The following WWP1 variants were observed in gnomAD, a reference collection of about 807,000 sequenced individuals.
The protein encoded by WWP1 is NEDD4-like E3 ubiquitin-protein ligase WWP1.
Under a neutral mutation model 130.6 loss-of-function variants are expected in WWP1, and 49 were observed. The ratio of observed to expected loss-of-function variants is 0.38; its 90% CI spans 0.30 to 0.48. The LOEUF (loss-of-function observed/expected upper bound fraction) is 0.48, where lower values mean the gene tolerates loss of function less well. Ranked by LOEUF, WWP1 falls within the 20% of genes least tolerant of loss-of-function variation. The pLI, the probability that WWP1 is intolerant of heterozygous loss-of-function variation, is 0.99. For missense variants in WWP1, 809 were observed against 1,100.6 expected (o/e 0.74, Z 3.75); for synonymous variants, 332 against 367.8 (o/e 0.90, Z 1.11).
intron 20 of WWP1, among the ~76,000 whole-genome samples, chr8:86,451,616 G>GACTATTCTTT (rs1811183948): frequency 6.6e-6 from 1 of 152,174 alleles, no homozygotes; most frequent in African/African-American, 2.4e-5. Context: ...AGAGGGTTTA[G>GACTATTCTTT]TAATTGAAGA....
intron 1 of WWP1, among the ~76,000 whole-genome samples, chr8:86,362,427 G>A (rs905182263): frequency 6.6e-6 from 1 of 151,628 alleles, no homozygotes; most frequent in Non-Finnish European, 1.5e-5. Context: ...GTAGGTGTAA[G>A]GTGGCCACTG....
In WWP1 at chr8:86,433,179, T is replaced by C. The variant is rs141447210; in HGVS notation, c.1601+1436T>C. Among the ~76,000 whole-genome samples, 825 of 152,150 alleles carry C rather than the reference T, an allele frequency of 5.4e-3. 11 individuals carry two copies. Among genetic ancestry groups the C allele is most frequent in the African/African-American group, 0.018 (760 of 41,456 alleles). Reference sequence around the variant, plus strand: ...TACTTTCTTGATTTCCCTCTGCGTTTCTGTTCTTCTATCTTTATTTTGTCG... The same window carrying C: ...TACTTTCTTGATTTCCCTCTGCGTTCCTGTTCTTCTATCTTTATTTTGTCG... On this transcript the variant is annotated intron_variant, in intron 14 of 24. Transcript: ENST00000517970.
chr8:86,440,523 GCCAGCCCC>G, intron 17 of WWP1: 1 of 334,860 alleles, frequency 3.0e-6, no homozygotes, highest in Admixed American at 4.0e-5. Flanking sequence ...GAAGTGTGAG[GCCAGCCCC>G]TTGTAAGAAC....
At position 86,425,361 on chromosome 8, in the gene WWP1, C is replaced by T. The variant is rs1479329258; in HGVS notation, c.1157+43C>T. ...ATGCATTTGTAATTATATTTTATCACACATGTGGTTTTTAAATTTATTTAG... is the reference window on the plus strand; with the variant it reads ...ATGCATTTGTAATTATATTTTATCATACATGTGGTTTTTAAATTTATTTAG... On this transcript the variant is annotated intron_variant, in intron 10 of 24. Coordinates refer to ENST00000517970, the MANE Select transcript of WWP1 (RefSeq NM_007013.4). 2.0e-6 allele frequency: 3 copies of T among 1,489,606 alleles called. No individual in the cohort carries two copies. In the Admixed American group the frequency reaches 5.9e-5, roughly 29 times the overall value. 92.3% of individuals were successfully genotyped at this position (1,489,606 alleles called of 1,614,324 possible). A position where few individuals can be genotyped will look rare whatever the true frequency, so the allele number is the denominator to read the frequency against.
At chr8:86,403,100 C>T (rs1563500582) in intron 8 of WWP1, among the ~76,000 whole-genome samples, 1 of 152,134 alleles carries the variant, frequency 6.6e-6, no homozygotes, top group African/African-American at 2.4e-5. Flanking sequence ...TCAGGTGAGT[C>T]TCCTGAAACT....
intron 5 of WWP1, among the ~76,000 whole-genome samples, chr8:86,391,158 G>A (rs1807314069): frequency 6.6e-6 from 1 of 152,146 alleles, no homozygotes; most frequent in African/African-American, 2.4e-5. Flanking sequence ...ACTGCGTCTT[G>A]TTAGGGAGAT....
chr8:86,430,691 A>T lies in WWP1; in HGVS notation c.1333-6A>T. On this transcript the variant is annotated splice_region_variant and splice_polypyrimidine_tract_variant and intron_variant, in intron 11 of 24. Coordinates refer to ENST00000517970, the MANE Select transcript of WWP1 (RefSeq NM_007013.4). ...TATTTCTCTCCCTAATCTTTTCTCC[A>T]ATCAGGCTTCAATGTTAGCTGCAGA... 1 of 1,581,120 alleles carries T rather than the reference A, an allele frequency of 6.3e-7. No individual in the cohort carries two copies. Among genetic ancestry groups the T allele is most frequent in the South Asian group, 1.1e-5 (1 of 87,808 alleles).
chr8:86,414,436 G>A (rs1263846329), intron 9 of WWP1, among the ~76,000 whole-genome samples: 3 of 152,152 alleles, frequency 2.0e-5, no homozygotes, highest in East Asian at 3.9e-4. Flanking sequence ...ACATAAGATG[G>A]GTCTTGATAA....
chr8:86,466,537 A>ATT (rs369113098), intron 24 of WWP1, among the ~76,000 whole-genome samples: 1 of 146,908 alleles, frequency 6.8e-6, no homozygotes, highest in African/African-American at 2.5e-5. Context: ...AAGAAAATGG[A>ATT]TTTTTTTTTT....
At chr8:86,371,089 G>C (rs1340811987) in intron 2 of WWP1, among the ~76,000 whole-genome samples, 1 of 149,454 alleles carries the variant, frequency 6.7e-6, no homozygotes, top group Admixed American at 6.7e-5. Context: ...TGTTGGCCAG[G>C]CTGTTCTTGA....
At chr8:86,418,287 A>AT (rs1398792860) in intron 9 of WWP1, among the ~76,000 whole-genome samples, 2 of 152,216 alleles carry the variant, frequency 1.3e-5, no homozygotes, top group African/African-American at 2.4e-5. Flanking sequence ...CGTATGGTCT[A>AT]ATATATAGGT....
chr8:86,379,224 G>C (rs1586302516), intron 3 of WWP1, among the ~76,000 whole-genome samples: 1 of 152,150 alleles, frequency 6.6e-6, no homozygotes, highest in Non-Finnish European at 1.5e-5. Context: ...TGAACTTAGA[G>C]CAGTTTGGAA....
chr8:86,373,235 A>C (rs1824436960), intron 2 of WWP1, among the ~76,000 whole-genome samples: 2 of 151,990 alleles, frequency 1.3e-5, no homozygotes, highest in Non-Finnish European at 2.9e-5. Context: ...AAATTTAGTG[A>C]GATTTTCATT....
chr8:86,448,614 G>A, intron 20 of WWP1, 101 bp downstream of exon 20: 2 of 1,175,856 alleles, frequency 1.7e-6, no homozygotes, highest in Non-Finnish European at 2.3e-6. Flanking sequence ...CCTTTGGGAA[G>A]TTCTTCTCAC....
chr8:86,352,720 A>G (rs1586237506), intron 1 of WWP1, among the ~76,000 whole-genome samples: 2 of 152,278 alleles, frequency 1.3e-5, no homozygotes, highest in Middle Eastern at 6.8e-3. Context: ...AGAGAGCTTA[A>G]CATCTGAACC....
intron 3 of WWP1, among the ~76,000 whole-genome samples, chr8:86,379,405 T>C (rs1824857662): frequency 6.6e-6 from 1 of 152,210 alleles, no homozygotes; most frequent in South Asian, 2.1e-4. Flanking sequence ...ATTTAGATTA[T>C]TATTCTCTCA....
intron 14 of WWP1, among the ~76,000 whole-genome samples, chr8:86,434,577 A>C (rs1009011913): frequency 2.0e-5 from 3 of 152,186 alleles, no homozygotes; most frequent in African/African-American, 7.2e-5. Flanking sequence ...CCTTTTAACA[A>C]TGCCTTTTTT....
intron 18 of WWP1, 88 bp from the exon 19 acceptor site, chr8:86,448,060 G>A: frequency 8.8e-7 from 1 of 1,135,770 alleles, no homozygotes; most frequent in Non-Finnish European, 1.2e-6. Flanking sequence ...GTTTACTTGT[G>A]AAGTCTCATG....
chr8:86,461,357 T>A, intron 23 of WWP1, 37 bp downstream of exon 23: 1 of 1,560,476 alleles, frequency 6.4e-7, no homozygotes, highest in South Asian at 1.1e-5. Context: ...CTGTACGTAA[T>A]TTTGTGATAA....
Sources: allele counts gnomAD v4.1 joint callset (sites outside exome capture counted in the v4.1 genomes callset), GRCh38; gene constraint gnomAD v4.1.1; transcripts MANE v1.5; gene names NCBI Gene and HGNC (gene_info 2026-07-23, HGNC 2026-07-21).